The following ZNF385D variants were observed in gnomAD, a reference collection of about 807,000 sequenced individuals.
The protein encoded by ZNF385D is zinc finger protein 659.
ZNF385D carries 15 observed loss-of-function variants against 35.8 expected under a neutral mutation model. The observed-to-expected ratio is 0.42, with a 90% CI of 0.28 to 0.64. The LOEUF (loss-of-function observed/expected upper bound fraction) is 0.64. ZNF385D is among the 30% of genes least tolerant of loss of function. ZNF385D has a pLI of 0.23. For missense variants in ZNF385D, 474 were observed against 494.6 expected, an observed-to-expected ratio of 0.96 and a Z score of 0.39; for synonymous variants, 212 against 186.8, an observed-to-expected ratio of 1.13 and a Z score of -1.10.
At chr3:22,231,828 TC>T (rs1226456490) in intron 2 of ZNF385D, among the ~76,000 whole-genome samples, 1 of 152,070 alleles carries the variant, frequency 6.6e-6, no homozygotes, top group African/African-American at 2.4e-5. Flanking sequence ...TAGGGGTAGA[TC>T]CTTTTTGAAT....
intron 3 of ZNF385D, among the ~76,000 whole-genome samples, chr3:21,760,375 A>C (rs2335429): frequency 0.99 from 150,929 of 152,314 alleles, 74,779 homozygotes; most frequent in East Asian, 1. Flanking sequence ...TTGCTGCTAT[A>C]TGATCAACTG....
intron 3 of ZNF385D, among the ~76,000 whole-genome samples, chr3:21,998,055 A>C (rs1368898952): frequency 6.6e-6 from 1 of 152,068 alleles, no homozygotes; most frequent in South Asian, 2.1e-4. Flanking sequence ...TTAATAATAT[A>C]TTTGCATGCT....
At chr3:22,279,486 TGG>T (rs1262809277) in intron 2 of ZNF385D, among the ~76,000 whole-genome samples, 4 of 111,714 alleles carry the variant, frequency 3.6e-5, no homozygotes, top group African/African-American at 1.3e-4. Context: ...TATATATATA[TGG>T]AATATACATA....
intron 3 of ZNF385D, among the ~76,000 whole-genome samples, chr3:21,906,858 C>G (rs1006173242): frequency 6.6e-6 from 1 of 152,146 alleles, no homozygotes; most frequent in East Asian, 1.9e-4. Flanking sequence ...CATTCACAGT[C>G]TTCAGTCTTT....
chr3:22,109,431 T>G (rs999116067), intron 3 of ZNF385D, among the ~76,000 whole-genome samples: 15 of 152,212 alleles, frequency 9.9e-5, no homozygotes, highest in Admixed American at 9.2e-4. Flanking sequence ...ACAGTAAAGC[T>G]TGAGCTATCT....
chr3:22,200,329 A>C (rs2125241460), intron 2 of ZNF385D, among the ~76,000 whole-genome samples: 1 of 152,204 alleles, frequency 6.6e-6, no homozygotes, highest in East Asian at 1.9e-4. Flanking sequence ...AGAAATTTTA[A>C]AACTGGGTGT....
rs540911019 is a variant in ZNF385D at position 22,267,293 on chromosome 3, C to T, written c.107-98258G>A. Among the ~76,000 whole-genome samples the T allele has an allele frequency of 2.6e-4, 39 of 151,784 alleles. No individual in the cohort carries two copies. The South Asian group carries it at 7.9e-3, about 31-fold the overall frequency. ...TCTAAAATTTAGGTGTATTTAAATT[C>T]ACAAATTCCTTCCTTGTCATAACCT... On this transcript the variant is annotated intron_variant, in intron 2 of 5. Transcript: ENST00000494108.
At chr3:22,252,703 G>C (rs1476779390) in intron 2 of ZNF385D, among the ~76,000 whole-genome samples, 1 of 152,076 alleles carries the variant, frequency 6.6e-6, no homozygotes, top group Non-Finnish European at 1.5e-5. Context: ...ATTCAGGTGT[G>C]TCAGACAGAG....
intron 3 of ZNF385D, among the ~76,000 whole-genome samples, chr3:22,125,628 G>T (rs530259634): frequency 6.6e-6 from 1 of 151,980 alleles, no homozygotes; most frequent in South Asian, 2.1e-4. Context: ...TAGTTTTCTT[G>T]TAAAGGTCTT....
chr3:22,189,430 A>T (rs541652188), intron 2 of ZNF385D, among the ~76,000 whole-genome samples: 1 of 152,274 alleles, frequency 6.6e-6, no homozygotes, highest in East Asian at 1.9e-4. Context: ...ATACCTTGAG[A>T]TCTTATATAA....
At chr3:21,806,504 CA>C (rs1261913394) in intron 3 of ZNF385D, among the ~76,000 whole-genome samples, 2 of 152,020 alleles carry the variant, frequency 1.3e-5, no homozygotes, top group African/African-American at 4.8e-5. Flanking sequence ...CGCGCCTGGC[CA>C]ATAGAGCTCG....
chr3:22,098,646 G>A (rs1015262132), intron 3 of ZNF385D, among the ~76,000 whole-genome samples: 12 of 152,146 alleles, frequency 7.9e-5, no homozygotes, highest in Non-Finnish European at 1.0e-4. Context: ...TGCCATGTAG[G>A]CATGGGTGCA....
At chr3:21,551,632 A>T (rs573585210) in intron 3 of ZNF385D, among the ~76,000 whole-genome samples, 40 of 152,132 alleles carry the variant, frequency 2.6e-4, no homozygotes, top group Admixed American at 2.6e-3. Flanking sequence ...TCACATGGTA[A>T]TTTATGCTTA....
At chr3:22,000,143 A>C (rs1230025563) in intron 3 of ZNF385D, among the ~76,000 whole-genome samples, 1 of 152,150 alleles carries the variant, frequency 6.6e-6, no homozygotes, top group African/African-American at 2.4e-5. Context: ...GTCTCTACTC[A>C]AAATACAAAA....
intron 3 of ZNF385D, among the ~76,000 whole-genome samples, chr3:22,123,946 CTCTCTCTCTCTCTCTCTATATATA>C (rs1360125202): frequency 2.0e-5 from 2 of 101,134 alleles, no homozygotes; most frequent in South Asian, 3.7e-4. Flanking sequence ...CTCTCTCTCT[CTCTCTCTCTCTCTCTCTATATATA>C]TATATATATA....
At chr3:21,626,597 A>G (rs1044428782) in intron 2 of ZNF385D, among the ~76,000 whole-genome samples, 40 of 152,012 alleles carry the variant, frequency 2.6e-4, no homozygotes, top group Non-Finnish European at 5.3e-4. Flanking sequence ...TGCCATTACT[A>G]TATGGGTGGC....
chr3:22,025,030 A>C (rs1238753432), intron 3 of ZNF385D, among the ~76,000 whole-genome samples: 1 of 152,190 alleles, frequency 6.6e-6, no homozygotes, highest in Non-Finnish European at 1.5e-5. Flanking sequence ...TCTACTGTTA[A>C]AGTGAGGGCA....
intron 3 of ZNF385D, among the ~76,000 whole-genome samples, chr3:22,120,787 T>C (rs148163954): frequency 0.018 from 2,696 of 152,296 alleles, 63 homozygotes; most frequent in African/African-American, 0.061. Flanking sequence ...TTAAATATGT[T>C]TTCCTAATTA....
chr3:21,989,239 C>A (rs771948081), intron 3 of ZNF385D, among the ~76,000 whole-genome samples: 5 of 152,170 alleles, frequency 3.3e-5, no homozygotes, highest in African/African-American at 1.2e-4. Context: ...TTTAACCTTA[C>A]ATATCAAAGC....
Sources: gnomAD v4.1 joint callset for allele counts (sites outside exome capture counted in the v4.1 genomes callset) on GRCh38, gnomAD v4.1.1 for gene constraint, MANE v1.5 for transcripts, NCBI Gene and HGNC (gene_info 2026-07-23, HGNC 2026-07-21) for gene names.